Variants in HELZ observed in about 807,000 individuals in gnomAD.
HELZ encodes ATP-dependent RNA helicase with zinc finger domain.
In HELZ, 23 loss-of-function variants were observed where a neutral mutation model predicts 218.2. The observed-to-expected ratio is 0.11, with a 90% CI of 0.08 to 0.15. The LOEUF is 0.15. HELZ is among the 10% of genes least tolerant of loss of function. The pLI, the probability that HELZ is intolerant of heterozygous loss-of-function variation, is 1.00. For synonymous variants in HELZ, 814 were observed against 829.4 expected, an observed-to-expected ratio of 0.98 and a Z score of 0.32; for missense variants, 1,813 against 2,353.7, an observed-to-expected ratio of 0.77 and a Z score of 4.75.
intron 2 of HELZ, among the ~76,000 whole-genome samples, chr17:67,243,499 C>G (rs1371504218): frequency 6.6e-6 from 1 of 152,122 alleles, no homozygotes; most frequent in Non-Finnish European, 1.5e-5. Flanking sequence ...AATAGGCAAA[C>G]TATAATTATC....
At chr17:67,225,206 A>T (rs565146878) in intron 3 of HELZ, 31 of 324,464 alleles carry the variant, frequency 9.6e-5, no homozygotes, top group African/African-American at 6.1e-4. Context: ...TTAAAAGATT[A>T]TATGTACGTA....
chr17:67,111,924 C>T (rs796793584), intron 28 of HELZ, among the ~76,000 whole-genome samples: 3 of 152,280 alleles, frequency 2.0e-5, no homozygotes, highest in African/African-American at 7.2e-5. Context: ...TGAAGGAGGT[C>T]ATAATCAGGT....
chr17:67,196,849 C>G (rs1215586279), intron 7 of HELZ, among the ~76,000 whole-genome samples: 2 of 152,140 alleles, frequency 1.3e-5, no homozygotes, highest in Non-Finnish European at 2.9e-5. Context: ...TTGAACTCCT[C>G]CCTCTTCTAT....
rs759857079 is a variant in HELZ at position 67,178,912 on chromosome 17, T to A, written c.1177A>T (p.Met393Leu). Residue 393 changes from methionine to leucine, a missense_variant, in exon 13 of 33, where the codon ATG becomes TTG. By Grantham distance (15) the Met-to-Leu change is conservative. This residue lies in a region of HELZ where 714 missense variants were observed against 1,029.2 expected (regional missense o/e 0.69). Transcript: ENST00000358691. ...AASTEDLEYLMHAKQQLVTTA... is the reference protein window; with the variant it reads ...AASTEDLEYLLHAKQQLVTTA... Reference sequence around the variant, plus strand: ...GTTACTAGCTGCTGTTTTGCATGCATCAGGTATTCGAGATCTAAATGGAAA... The same window carrying A: ...GTTACTAGCTGCTGTTTTGCATGCAACAGGTATTCGAGATCTAAATGGAAA... The A allele has an allele frequency of 1.2e-6, 2 of 1,605,190 alleles. No homozygotes were observed. Among genetic ancestry groups the A allele is most frequent in the South Asian group, 2.2e-5 (2 of 89,724 alleles).
intron 28 of HELZ, among the ~76,000 whole-genome samples, chr17:67,112,386 T>C (rs1342784059): frequency 6.6e-6 from 1 of 152,200 alleles, no homozygotes; most frequent in African/African-American, 2.4e-5. Context: ...ATTGGTTTCG[T>C]CCCAAGCTGC....
In HELZ at chr17:67,074,357, G is replaced by C. The variant is rs971021094; in HGVS notation, c.*3895C>G. ...CTTGTATTTTTATAGATTCTTTCTGGGATTCCCTTTTTAAAAATAACTCCA... is the reference window on the plus strand; with the variant it reads ...CTTGTATTTTTATAGATTCTTTCTGCGATTCCCTTTTTAAAAATAACTCCA... On this transcript the variant is annotated 3_prime_UTR_variant, in exon 33 of 33. Coordinates refer to ENST00000358691, the MANE Select transcript of HELZ (RefSeq NM_014877.4). 8 of 151,822 alleles carry C rather than the reference G, an allele frequency of 5.3e-5. No homozygotes were observed. Among genetic ancestry groups the C allele is most frequent in the Non-Finnish European group, 1.2e-4 (8 of 67,968 alleles). The allele number at this position is 151,822 out of a possible 1,614,324, so 9.4% of individuals were successfully genotyped here.
intron 13 of HELZ, 94 bp from the exon 14 acceptor site, chr17:67,167,890 C>T (rs1281048556): frequency 7.1e-6 from 6 of 840,906 alleles, no homozygotes; most frequent in African/African-American, 1.7e-5. Flanking sequence ...TATAAACATA[C>T]CAAAAATTAA....
At chr17:67,218,506 C>T (rs2040664261) in intron 4 of HELZ, 89 bp downstream of exon 4, 1 of 988,874 alleles carries the variant, frequency 1.0e-6, no homozygotes, top group African/African-American at 1.6e-5. Flanking sequence ...ATCTCTTTGG[C>T]CCAGAATTAG....
chr17:67,081,583 C>T lies in HELZ; in HGVS notation c.5495-2997G>A, dbSNP rs540536414. On this transcript the variant is annotated intron_variant, in intron 32 of 32. Transcript: ENST00000358691. ...CTTTATGTATGTTAATCTTATTTCC[C>T]AAACTAGATAGCTCCTTGAGGGAGA... Among the ~76,000 whole-genome samples, 6 of 152,222 alleles carry T rather than the reference C, an allele frequency of 3.9e-5. No homozygotes were observed. The South Asian group carries it at 1.2e-3, about 32-fold the overall frequency.
intron 15 of HELZ, 79 bp downstream of exon 15, chr17:67,166,399 G>T: frequency 8.1e-7 from 1 of 1,236,998 alleles, no homozygotes; most frequent in Non-Finnish European, 1.1e-6. Flanking sequence ...TCTTATAAAA[G>T]TATGCTTGAG....
At chr17:67,184,367 C>CA (rs1279731005) in intron 12 of HELZ, among the ~76,000 whole-genome samples, 7 of 152,074 alleles carry the variant, frequency 4.6e-5, no homozygotes, top group Non-Finnish European at 1.0e-4. Flanking sequence ...TAGCATGGTC[C>CA]AAATTTATAA....
At chr17:67,207,987 A>T (rs538902256) in intron 5 of HELZ, among the ~76,000 whole-genome samples, 1 of 152,358 alleles carries the variant, frequency 6.6e-6, no homozygotes, top group Non-Finnish European at 1.5e-5. Context: ...CGACAGAGCA[A>T]GACCCTGTCT....
intron 18 of HELZ, 156 bp from the exon 19 acceptor site, chr17:67,150,141 T>TTTC (rs1555611556): frequency 1.7e-5 from 8 of 475,682 alleles, no homozygotes; most frequent in African/African-American, 1.6e-4. Context: ...TTTTTTTTTT[T>TTTC]TTTTTTTTTT....
intron 26 of HELZ, among the ~76,000 whole-genome samples, chr17:67,121,871 C>T (rs955668232): frequency 2.6e-5 from 4 of 152,166 alleles, no homozygotes; most frequent in Non-Finnish European, 5.9e-5. Context: ...GTGAACTAGA[C>T]TAATCCAAGC....
At chr17:67,225,112 C>A in intron 3 of HELZ, 1 of 447,426 alleles carries the variant, frequency 2.2e-6, no homozygotes, top group East Asian at 4.8e-5. Context: ...ATATATAAGC[C>A]CAAAGCATTT....
In HELZ at chr17:67,121,593, A is replaced by C. The variant is rs566781686; in HGVS notation, c.3631-981T>G. ...TGGAGTGTGGGCAAGGTTGCCAAAA[A>C]CCTTTGGCAATGATCATCTCAGCCT... is the stretch of plus-strand genomic sequence containing the variant. On this transcript the variant is annotated intron_variant, in intron 26 of 32. Transcript: ENST00000358691. Among the ~76,000 whole-genome samples the C allele has an allele frequency of 5.7e-3, 868 of 152,272 alleles. 8 individuals are homozygous for C. Among genetic ancestry groups the C allele is most frequent in the African/African-American group, 0.02 (828 of 41,540 alleles).
chr17:67,122,360 A>G lies in HELZ; in HGVS notation c.3630+610T>C, dbSNP rs907659230. Among the ~76,000 whole-genome samples, 9 of 152,310 alleles carry G rather than the reference A, an allele frequency of 5.9e-5. No individual in the cohort carries two copies. The South Asian group carries it at 1.7e-3, about 28-fold the overall frequency. On this transcript the variant is annotated intron_variant, in intron 26 of 32. Coordinates refer to ENST00000358691, the MANE Select transcript of HELZ (RefSeq NM_014877.4). The stretch of plus-strand genomic sequence containing the variant: ...GGAGATCGAGACCATCCTGGCTAAC[A>G]TGGTGAAACCCCGCGTCTACTAAAA...
At chr17:67,245,632 CG>C, upstream of HELZ, 2 of 650,238 alleles carry the variant, frequency 3.1e-6, no homozygotes, top group African/African-American at 4.0e-5. Flanking sequence ...CGCGAGCGGC[CG>C]GGGTCGCCTT....
In HELZ at chr17:67,183,069, G is replaced by A. The variant is rs148859856; in HGVS notation, c.1163-4143C>T. Among the ~76,000 whole-genome samples the A allele has an allele frequency of 1.6e-4, 25 of 152,310 alleles. No homozygotes were observed. The East Asian group carries it at 4.8e-3, about 29-fold the overall frequency. On this transcript the variant is annotated intron_variant, in intron 12 of 32. Transcript: ENST00000358691. Reference sequence around the variant, plus strand: ...TATTTATCTAGGACTTAGAGAATGAGATGAAATGCTTCCTAATTCCAAAAT... The same window carrying A: ...TATTTATCTAGGACTTAGAGAATGAAATGAAATGCTTCCTAATTCCAAAAT...
Sources: gnomAD v4.1 joint callset for allele counts (sites outside exome capture counted in the v4.1 genomes callset) on GRCh38, gnomAD v4.1.1 for gene constraint, gnomAD v4.1.1 regional missense constraint, MANE v1.5 for transcripts, NCBI Gene and HGNC (gene_info 2026-07-23, HGNC 2026-07-21) for gene names.